LRRC74A: variants seen among roughly 807,000 people sequenced by gnomAD.
LRRC74A encodes leucine rich repeat containing 74A.
A neutral mutation model predicts 57.9 loss-of-function variants in LRRC74A; 44 were observed. The ratio of observed to expected loss-of-function variants is 0.76; its 90% CI spans 0.60 to 0.98. The LOEUF is 0.98. Among genes scored for constraint, LRRC74A ranks in the 50% least tolerant of loss-of-function variants. The probability of loss-of-function intolerance (pLI) is 0.00; values close to 1 mark genes in which losing one functional copy is unlikely to be tolerated. For missense variants in LRRC74A, 572 were observed against 574.0 expected (o/e 1.00, Z 0.04); for synonymous variants, 211 against 219.4 (o/e 0.96, Z 0.34).
intron 5 of LRRC74A, among the ~76,000 whole-genome samples, chr14:76,843,834 A>C (rs1896940438): frequency 6.6e-6 from 1 of 150,668 alleles, no homozygotes; most frequent in Non-Finnish European, 1.5e-5. Flanking sequence ...CCTCCTGAGT[A>C]GCTGGGACCA....
chr14:76,857,279 T>C, intron 9 of LRRC74A, 101 bp from the exon 10 acceptor site: 1 of 694,896 alleles, frequency 1.4e-6, no homozygotes, highest in East Asian at 2.8e-5. Flanking sequence ...GAAGTCTGGG[T>C]GTGAGACAGA....
In LRRC74A at chr14:76,835,436, G is replaced by A. The variant is rs1410527635; in HGVS notation, c.340-771G>A. Among the ~76,000 whole-genome samples, 7 of 149,784 alleles carry A rather than the reference G, an allele frequency of 4.7e-5. No individual in the cohort carries two copies. In the East Asian group the frequency reaches 5.9e-4, roughly 13 times the overall value. Reference sequence around the variant, plus strand: ...CAGGAAGCAGAGGTTGCAGTGAGCCGAGATCACGCCACTGCACTCCATCCT... The same window carrying A: ...CAGGAAGCAGAGGTTGCAGTGAGCCAAGATCACGCCACTGCACTCCATCCT... On this transcript the variant is annotated intron_variant, in intron 3 of 13. Coordinates refer to ENST00000689127, the MANE Select transcript of LRRC74A (RefSeq NM_001385106.1).
chr14:76,855,097 G>C (rs532262986), intron 9 of LRRC74A, among the ~76,000 whole-genome samples: 1 of 152,368 alleles, frequency 6.6e-6, no homozygotes, highest in South Asian at 2.1e-4. Context: ...AGGAGACAGT[G>C]AGGAAGGGGC....
At chr14:76,860,379 T>A (rs1250623627) in intron 10 of LRRC74A, among the ~76,000 whole-genome samples, 1 of 152,184 alleles carries the variant, frequency 6.6e-6, no homozygotes, top group African/African-American at 2.4e-5. Context: ...GTTTAAGGAC[T>A]ATCTTGCCAC....
chr14:76,855,838 C>T (rs148487824), intron 9 of LRRC74A, among the ~76,000 whole-genome samples: 19 of 152,312 alleles, frequency 1.2e-4, no homozygotes, highest in African/African-American at 4.3e-4. Flanking sequence ...AACTATTGTT[C>T]ATTGACAGCA....
intron 3 of LRRC74A, among the ~76,000 whole-genome samples, chr14:76,832,673 C>T (rs766857953): frequency 3.9e-5 from 6 of 152,040 alleles, no homozygotes; most frequent in Non-Finnish European, 7.4e-5. Flanking sequence ...ATTGATTGGT[C>T]GGGACAAGGG....
intron 7 of LRRC74A, among the ~76,000 whole-genome samples, chr14:76,851,990 TG>T (rs1295689405): frequency 6.6e-6 from 1 of 152,118 alleles, no homozygotes; most frequent in East Asian, 1.9e-4. Flanking sequence ...AATGATGCCA[TG>T]GTAAACATCT....
At position 76,831,097 on chromosome 14, in the gene LRRC74A, C is replaced by A. The variant is rs569466872; in HGVS notation, c.167-106C>A. The A allele has an allele frequency of 5.0e-5, 58 of 1,167,042 alleles. No homozygotes were observed. In the East Asian group the frequency reaches 1.5e-3, roughly 29 times the overall value. The allele number at this position is 1,167,042 out of a possible 1,614,324, so 72.3% of individuals were successfully genotyped here. On this transcript the variant is annotated intron_variant, in intron 2 of 13. Transcript: ENST00000689127. ...TTAGCACATACCCACAGGGAGAGAT[C>A]CTCTGGCAGAGGACAGTCTAGACAT...
At position 76,836,375 on chromosome 14, in the gene LRRC74A, G is replaced by A. The variant is rs192311572; in HGVS notation, c.447+61G>A. 1.6e-4 allele frequency: 210 copies of A among 1,289,056 alleles called. No individual in the cohort carries two copies. The African/African-American group carries it at 2.9e-3, about 18-fold the overall frequency. The allele number at this position is 1,289,056 out of a possible 1,614,324, so 79.9% of individuals were successfully genotyped here. ...CCCTGGGGATTCACAACCCACTGGA[G>A]ACAAGCCAGAGGCCCTGCCAGGACC... On this transcript the variant is annotated intron_variant, in intron 4 of 13. Coordinates refer to ENST00000689127, the MANE Select transcript of LRRC74A (RefSeq NM_001385106.1).
intron 10 of LRRC74A, among the ~76,000 whole-genome samples, chr14:76,858,536 C>CT (rs1283609904): frequency 6.6e-6 from 1 of 152,054 alleles, no homozygotes; most frequent in African/African-American, 2.4e-5. Flanking sequence ...ACTCCAACAT[C>CT]TTTTTTTGGG....
intron 9 of LRRC74A, among the ~76,000 whole-genome samples, chr14:76,853,738 G>A (rs1246136430): frequency 6.6e-6 from 1 of 151,824 alleles, no homozygotes; most frequent in Admixed American, 6.6e-5. Flanking sequence ...ATTGCCACCG[G>A]AGTGTGCTTT....
chr14:76,864,031 G>A (rs1013801622), intron 11 of LRRC74A, among the ~76,000 whole-genome samples: 6 of 152,226 alleles, frequency 3.9e-5, no homozygotes, highest in Admixed American at 1.3e-4. Context: ...GGGGAATGTC[G>A]CTTTCAGCTT....
At chr14:76,868,417 C>T (rs1413720939) in intron 13 of LRRC74A, among the ~76,000 whole-genome samples, 6 of 152,262 alleles carry the variant, frequency 3.9e-5, no homozygotes, top group African/African-American at 9.6e-5. Context: ...TACAGCCAGC[C>T]GAGATTGCAT....
chr14:76,844,697 A>C (rs1157767636), intron 6 of LRRC74A, 123 bp from the exon 7 acceptor site: 1 of 701,800 alleles, frequency 1.4e-6, no homozygotes, highest in Non-Finnish European at 2.5e-6. Flanking sequence ...AAAATGCCTA[A>C]GACATTGTCT....
rs533061459 is a variant in LRRC74A at position 76,831,621 on chromosome 14, T to A, written c.339+246T>A. Among the ~76,000 whole-genome samples the A allele has an allele frequency of 2.6e-5, 4 of 152,122 alleles. No homozygotes were observed. In the South Asian group the frequency reaches 8.3e-4, roughly 32 times the overall value. ...GACTTTGAGGAGAAAAAAATAGAAG[T>A]CTATATACTCTTTGCTGTTCAGGAA... On this transcript the variant is annotated intron_variant, in intron 3 of 13. Transcript: ENST00000689127.
chr14:76,867,844 G>A (rs1396012324), intron 13 of LRRC74A, among the ~76,000 whole-genome samples: 3 of 152,212 alleles, frequency 2.0e-5, no homozygotes, highest in Non-Finnish European at 1.5e-5. Flanking sequence ...TGTTTCAGCC[G>A]AGTCTGGCAA....
intron 9 of LRRC74A, 60 bp downstream of exon 9, chr14:76,853,470 T>C: frequency 1.4e-6 from 2 of 1,436,580 alleles, no homozygotes. Context: ...TGTTTGTGTA[T>C]GTGTTGGGAT....
At chr14:76,832,192 G>A (rs1896020348) in intron 3 of LRRC74A, among the ~76,000 whole-genome samples, 2 of 152,198 alleles carry the variant, frequency 1.3e-5, no homozygotes. Flanking sequence ...TCACTGTGCA[G>A]TAAGGACCAA....
intron 3 of LRRC74A, among the ~76,000 whole-genome samples, chr14:76,834,568 C>T (rs752204942): frequency 4.6e-5 from 7 of 152,192 alleles, no homozygotes; most frequent in Admixed American, 1.3e-4. Context: ...CCCTCGACAG[C>T]CTAGCACTGT....
Sources: gnomAD v4.1 joint callset for allele counts (sites outside exome capture counted in the v4.1 genomes callset) on GRCh38, gnomAD v4.1.1 for gene constraint, MANE v1.5 for transcripts, NCBI Gene and HGNC (gene_info 2026-07-23, HGNC 2026-07-21) for gene names.